VPS41: variants seen among roughly 807,000 people sequenced by gnomAD.
VPS41 encodes the protein VPS41 subunit of HOPS complex, also known as vacuolar protein sorting-associated protein 41 homolog.
In VPS41, 85 loss-of-function variants were observed where a neutral mutation model predicts 130.9. That is an observed-to-expected ratio of 0.65 (90% CI 0.55 to 0.78). VPS41 has a LOEUF of 0.78. Ranked by LOEUF, VPS41 falls within the 30% of genes least tolerant of loss-of-function variation. VPS41 has a pLI of 0.00. For synonymous variants in VPS41, 335 were observed against 332.9 expected (o/e 1.01, Z -0.07); for missense variants, 874 against 1,018.7 (o/e 0.86, Z 1.93).
At chr7:38,889,776 G>A (rs1374739088) in intron 2 of VPS41, among the ~76,000 whole-genome samples, 1 of 152,130 alleles carries the variant, frequency 6.6e-6, no homozygotes, top group African/African-American at 2.4e-5. Flanking sequence ...ACAGAGATGA[G>A]TGAAAACAGG....
chr7:38,860,742 T>G (rs1057147903), intron 4 of VPS41, among the ~76,000 whole-genome samples: 6 of 140,430 alleles, frequency 4.3e-5, no homozygotes. Context: ...TGTGTGTGTG[T>G]GGACATACGC....
In VPS41 at chr7:38,743,533, C is replaced by A; in HGVS notation, c.1991G>T (p.Gly664Val). 1 of 1,613,664 alleles carries A rather than the reference C, an allele frequency of 6.2e-7. No individual in the cohort carries two copies. Among genetic ancestry groups the A allele is most frequent in the Non-Finnish European group, 8.5e-7 (1 of 1,179,732 alleles). ...EETVYLLSRM[G>V]NSRSALKMIM... ...CATCTTCAGGGCACTTCGGCTATTA[C>A]CCATTCGGCCTTGGTGGGGTGAAGA... The change falls in exon 24 of 29, where the codon GGT becomes GTT. Residue 664 changes from glycine (G) to valine (V), a missense_variant. Coordinates refer to ENST00000310301, the MANE Select transcript of VPS41 (RefSeq NM_014396.4).
intron 14 of VPS41, among the ~76,000 whole-genome samples, chr7:38,769,782 A>G (rs1265499406): frequency 2.0e-5 from 3 of 152,132 alleles, no homozygotes; most frequent in Non-Finnish European, 4.4e-5. Context: ...ATGACCTTCC[A>G]CCTGGATTAG....
intron 25 of VPS41, among the ~76,000 whole-genome samples, chr7:38,737,795 A>G (rs1168017170): frequency 6.6e-6 from 1 of 152,160 alleles, no homozygotes; most frequent in Non-Finnish European, 1.5e-5. Context: ...TGATCTTTGA[A>G]AGTTTTGTAA....
At chr7:38,728,135 A>T (rs560679475) in intron 27 of VPS41, among the ~76,000 whole-genome samples, 1 of 152,242 alleles carries the variant, frequency 6.6e-6, no homozygotes, top group East Asian at 1.9e-4. Context: ...TTAAATGCTG[A>T]TGGTTAGTTT....
intron 7 of VPS41, among the ~76,000 whole-genome samples, chr7:38,800,906 T>C (rs4723791): frequency 0.72 from 108,979 of 152,198 alleles, 40,711 homozygotes; most frequent in African/African-American, 0.91. Flanking sequence ...ATATTGAACA[T>C]GTATTAGAAT....
At position 38,736,929 on chromosome 7, in the gene VPS41, G is replaced by A. The variant is rs568106664; in HGVS notation, c.2259+5056C>T. Among the ~76,000 whole-genome samples the A allele has an allele frequency of 2.0e-5, 3 of 152,256 alleles. No homozygotes were observed. In the East Asian group the frequency reaches 5.8e-4, roughly 29 times the overall value. Reference sequence around the variant, plus strand: ...TCAAGAAAAAGAACAGTACAGGGTGGATTTTCCCTCCCTCATCAGGTGAGT... The same window carrying A: ...TCAAGAAAAAGAACAGTACAGGGTGAATTTTCCCTCCCTCATCAGGTGAGT... On this transcript the variant is annotated intron_variant, in intron 25 of 28. Transcript: ENST00000310301.
intron 4 of VPS41, among the ~76,000 whole-genome samples, chr7:38,840,720 G>A (rs1473139): frequency 0.61 from 92,931 of 152,046 alleles, 29,223 homozygotes; most frequent in East Asian, 0.89. Flanking sequence ...AAATAAAAGA[G>A]ACAAAAATTA....
chr7:38,727,043 T>G, intron 27 of VPS41, 55 bp from the exon 28 acceptor site: 1 of 1,425,524 alleles, frequency 7.0e-7, no homozygotes, highest in Non-Finnish European at 9.3e-7. Flanking sequence ...CAAGATCATT[T>G]TAAACCAATC....
intron 2 of VPS41, among the ~76,000 whole-genome samples, chr7:38,886,969 G>A (rs955849717): frequency 6.6e-6 from 1 of 152,112 alleles, no homozygotes; most frequent in Non-Finnish European, 1.5e-5. Context: ...CAAACAGAAA[G>A]GAATAGCATC....
At chr7:38,839,254 C>T (rs1271361465) in intron 4 of VPS41, among the ~76,000 whole-genome samples, 1 of 152,150 alleles carries the variant, frequency 6.6e-6, no homozygotes, top group Non-Finnish European at 1.5e-5. Context: ...GCTTATTTTA[C>T]TCTCCACTGA....
At chr7:38,818,762 A>G (rs1459104048) in intron 6 of VPS41, among the ~76,000 whole-genome samples, 2 of 152,218 alleles carry the variant, frequency 1.3e-5, no homozygotes, top group African/African-American at 4.8e-5. Context: ...AATTTAACAT[A>G]GAGAATTTTT....
At chr7:38,865,140 A>C (rs533672302) in intron 3 of VPS41, among the ~76,000 whole-genome samples, 1 of 152,224 alleles carries the variant, frequency 6.6e-6, no homozygotes, top group Non-Finnish European at 1.5e-5. Flanking sequence ...TCAATTACAC[A>C]TGAGGAAATA....
rs532761424 is a variant in VPS41, at chr7:38,878,966, C to T, written c.61-9713G>A. Reference sequence around the variant, plus strand: ...AGGCAAAAGACAAGAAAATGGAAAACGTAATAAATTGATCCTAGTTGGTAT... The same window carrying T: ...AGGCAAAAGACAAGAAAATGGAAAATGTAATAAATTGATCCTAGTTGGTAT... On this transcript the variant is annotated intron_variant, in intron 2 of 28. Coordinates refer to ENST00000310301, the MANE Select transcript of VPS41 (RefSeq NM_014396.4). Among the ~76,000 whole-genome samples, 163 of 152,250 alleles carry T rather than the reference C, an allele frequency of 1.1e-3. 1 individual carries two copies. The highest frequency in any genetic ancestry group is 3.6e-3 in the African/African-American group (148 of 41,546).
chr7:38,728,864 G>A (rs937035446), intron 25 of VPS41, 73 bp from the exon 26 acceptor site: 1 of 1,341,224 alleles, frequency 7.5e-7, no homozygotes, highest in Admixed American at 1.9e-5. Flanking sequence ...ACACTGTACT[G>A]GGGATTCCAA....
chr7:38,787,945 G>A (rs577485826), intron 10 of VPS41, among the ~76,000 whole-genome samples: 2 of 152,242 alleles, frequency 1.3e-5, no homozygotes, highest in African/African-American at 4.8e-5. Flanking sequence ...TCTATTTCAC[G>A]TAAATTACAG....
chr7:38,824,431 T>C (rs960076483), intron 5 of VPS41, among the ~76,000 whole-genome samples: 6 of 152,226 alleles, frequency 3.9e-5, no homozygotes, highest in Admixed American at 1.3e-4. Flanking sequence ...GCAAAACTGC[T>C]AGGTCTAAGA....
At chr7:38,792,353 C>T (rs920476403) in intron 9 of VPS41, among the ~76,000 whole-genome samples, 1 of 152,216 alleles carries the variant, frequency 6.6e-6, no homozygotes, top group Non-Finnish European at 1.5e-5. Flanking sequence ...GGATAACAGG[C>T]ATCTCTCAAG....
At chr7:38,776,990 C>T (rs1400136487) in intron 10 of VPS41, among the ~76,000 whole-genome samples, 2 of 152,190 alleles carry the variant, frequency 1.3e-5, no homozygotes, top group Non-Finnish European at 2.9e-5. Flanking sequence ...CTTGCAAATT[C>T]CCATCACAAA....
Sources: allele counts gnomAD v4.1 joint callset (sites outside exome capture counted in the v4.1 genomes callset), GRCh38; gene constraint gnomAD v4.1.1; transcripts MANE v1.5; gene names NCBI Gene and HGNC (gene_info 2026-07-23, HGNC 2026-07-21).